The following RAD51B variants were observed in gnomAD, a reference collection of about 807,000 sequenced individuals.
RAD51B encodes the protein DNA repair protein RAD51 homolog 2.
RAD51B carries 38 observed loss-of-function variants against 42.2 expected under a neutral mutation model. That is an observed-to-expected ratio of 0.90 (90% CI 0.70 to 1.18). The LOEUF is 1.18. Among genes scored for constraint, RAD51B ranks in the 50% most tolerant of loss-of-function variants. RAD51B has a pLI of 0.00. For missense variants in RAD51B, 373 were observed against 400.7 expected (o/e 0.93, Z 0.59); for synonymous variants, 154 against 145.2 (o/e 1.06, Z -0.43).
intron 7 of RAD51B, among the ~76,000 whole-genome samples, chr14:68,168,327 A>G (rs776659915): frequency 2.6e-4 from 40 of 152,120 alleles, no homozygotes; most frequent in Non-Finnish European, 5.3e-4. Context: ...TATGTCTTTG[A>G]TAGTGATGGT....
chr14:67,872,160 A>G (rs940167305), intron 5 of RAD51B, among the ~76,000 whole-genome samples: 1 of 150,262 alleles, frequency 6.7e-6, no homozygotes, highest in Non-Finnish European at 1.5e-5. Flanking sequence ...CCCTGTTTGC[A>G]GACGACATGA....
intron 9 of RAD51B, chr14:68,422,060 A>T: frequency 6.5e-7 from 1 of 1,531,858 alleles, no homozygotes; most frequent in Non-Finnish European, 9.0e-7. Flanking sequence ...CTTATAACCA[A>T]ATCCTTTCTC....
chr14:67,947,865 T>G (rs1485686516), intron 7 of RAD51B, among the ~76,000 whole-genome samples: 1 of 152,216 alleles, frequency 6.6e-6, no homozygotes, highest in African/African-American at 2.4e-5. Flanking sequence ...TGTTTTCAAT[T>G]AGATATTTAA....
In RAD51B at chr14:67,992,192, T is replaced by A. The variant is rs116496226; in HGVS notation, c.756+104988T>A. Among the ~76,000 whole-genome samples, 1,224 of 152,246 alleles carry A rather than the reference T, an allele frequency of 8.0e-3. 15 individuals are homozygous for A. The highest frequency in any genetic ancestry group is 0.028 in the African/African-American group (1,147 of 41,532). On this transcript the variant is annotated intron_variant, in intron 7 of 10. Transcript: ENST00000471583. ...ACATCCAGAAGAAAATGGCTAAAGT[T>A]TTTCACATAACAAAGCTACAAAAAG...
At chr14:68,003,627 C>T (rs2075526308) in intron 7 of RAD51B, among the ~76,000 whole-genome samples, 1 of 152,112 alleles carries the variant, frequency 6.6e-6, no homozygotes, top group Non-Finnish European at 1.5e-5. Context: ...CCAGCTTTTG[C>T]CCATTCAGTA....
chr14:68,611,213 T>C (rs1344831128), exon 11 of RAD51B: 11 of 702,940 alleles, frequency 1.6e-5, no homozygotes, highest in Non-Finnish European at 2.1e-5. Context: ...GCAACTGGAA[T>C]CAGAACAGAG....
chr14:68,329,214 C>T (rs930078563), intron 8 of RAD51B, among the ~76,000 whole-genome samples: 18 of 152,114 alleles, frequency 1.2e-4, no homozygotes, highest in African/African-American at 4.3e-4. Flanking sequence ...CACTATGTTG[C>T]CCAATCTGGT....
intron 7 of RAD51B, among the ~76,000 whole-genome samples, chr14:68,097,436 T>C (rs1269114271): frequency 1.3e-5 from 2 of 152,204 alleles, no homozygotes; most frequent in Non-Finnish European, 2.9e-5. Flanking sequence ...TGTCTCTAAC[T>C]GGATATTCAA....
At chr14:68,230,492 G>A (rs569136124) in intron 7 of RAD51B, among the ~76,000 whole-genome samples, 4 of 152,132 alleles carry the variant, frequency 2.6e-5, no homozygotes, top group South Asian at 4.1e-4. Context: ...TCTTAGCCAG[G>A]GAAGGCCCTG....
intron 7 of RAD51B, among the ~76,000 whole-genome samples, chr14:67,946,278 T>A (rs1157142170): frequency 6.6e-6 from 1 of 152,250 alleles, no homozygotes; most frequent in Non-Finnish European, 1.5e-5. Context: ...AGTTGTTATG[T>A]CTCTTCGTGG....
intron 7 of RAD51B, among the ~76,000 whole-genome samples, chr14:68,158,000 G>A (rs2078550878): frequency 6.6e-6 from 1 of 152,140 alleles, no homozygotes. Context: ...GGCTATTATT[G>A]AGACTATGGA....
chr14:68,129,239 GTTTTC>G (rs1414428171), intron 7 of RAD51B, among the ~76,000 whole-genome samples: 7 of 152,144 alleles, frequency 4.6e-5, no homozygotes, highest in Non-Finnish European at 1.5e-5. Flanking sequence ...TACCTTACGA[GTTTTC>G]TTTGTATACT....
intron 10 of RAD51B, among the ~76,000 whole-genome samples, chr14:68,533,147 A>G (rs1274596979): frequency 1.3e-5 from 2 of 152,206 alleles, no homozygotes; most frequent in East Asian, 3.8e-4. Flanking sequence ...GATTATTTAC[A>G]CAGAAAATCC....
chr14:68,568,627 T>G (rs1889539966), intron 10 of RAD51B, among the ~76,000 whole-genome samples: 1 of 152,166 alleles, frequency 6.6e-6, no homozygotes, highest in Admixed American at 6.5e-5. Context: ...CTACCCTGTG[T>G]TGCTCTGTGC....
At chr14:68,380,217 G>A (rs905862368) in intron 8 of RAD51B, among the ~76,000 whole-genome samples, 13 of 152,212 alleles carry the variant, frequency 8.5e-5, no homozygotes, top group Non-Finnish European at 1.8e-4. Context: ...CTTGACCAAT[G>A]AGGAGCTTAC....
At chr14:67,917,310 C>T (rs1057286739) in intron 7 of RAD51B, among the ~76,000 whole-genome samples, 23 of 152,270 alleles carry the variant, frequency 1.5e-4, no homozygotes, top group Admixed American at 4.6e-4. Context: ...TCAACTTCCG[C>T]GGAGGCCTCA....
chr14:68,313,742 A>G (rs2082005316), intron 8 of RAD51B, among the ~76,000 whole-genome samples: 1 of 152,264 alleles, frequency 6.6e-6, no homozygotes, highest in South Asian at 2.1e-4. Context: ...TTCCCCTGGA[A>G]CCATCATAGA....
chr14:67,976,204 C>A (rs555495345), intron 7 of RAD51B, among the ~76,000 whole-genome samples: 2 of 151,910 alleles, frequency 1.3e-5, no homozygotes, highest in African/African-American at 4.8e-5. Flanking sequence ...GCAGCCTGGA[C>A]CTCCTGGGCT....
chr14:67,869,887 A>G (rs560386719), intron 5 of RAD51B, among the ~76,000 whole-genome samples: 1,585 of 152,226 alleles, frequency 0.01, 29 homozygotes, highest in African/African-American at 0.037. Context: ...GCAAATGCTG[A>G]GAGATTTTGT....
Sources: allele counts gnomAD v4.1 joint callset (sites outside exome capture counted in the v4.1 genomes callset), GRCh38; gene constraint gnomAD v4.1.1; transcripts MANE v1.5; gene names NCBI Gene and HGNC (gene_info 2026-07-23, HGNC 2026-07-21).